Variants in CSMD1 observed in about 807,000 individuals in gnomAD.
CSMD1 encodes CUB and Sushi multiple domains 1.
Under a neutral mutation model 417.5 loss-of-function variants are expected in CSMD1, and 213 were observed. The ratio of observed to expected loss-of-function variants is 0.51; its 90% CI spans 0.46 to 0.57. The LOEUF is 0.57. Ranked by LOEUF, CSMD1 falls within the 20% of genes least tolerant of loss-of-function variation. The probability of loss-of-function intolerance (pLI) is 0.00; values close to 1 mark genes in which losing one functional copy is unlikely to be tolerated. For missense variants in CSMD1, 6,923 were observed against 4,529.7 expected (o/e 1.53, Z -15.17); for synonymous variants, 2,862 against 1,736.8 (o/e 1.65, Z -16.11).
chr8:3,706,860 AC>A (rs67732872), intron 7 of CSMD1, among the ~76,000 whole-genome samples: 1 of 152,166 alleles, frequency 6.6e-6, no homozygotes, highest in Non-Finnish European at 1.5e-5. Flanking sequence ...TTTTTAAAAA[AC>A]CCTTTATTCC....
chr8:3,183,465 T>C (rs1256038800), intron 36 of CSMD1, among the ~76,000 whole-genome samples: 17 of 89,222 alleles, frequency 1.9e-4, no homozygotes, highest in African/African-American at 3.2e-4. Flanking sequence ...ATCCCTGAAA[T>C]ATCGAGTAGG....
At chr8:4,280,366 G>C (rs1046532646) in intron 3 of CSMD1, among the ~76,000 whole-genome samples, 7 of 152,086 alleles carry the variant, frequency 4.6e-5, no homozygotes, top group African/African-American at 1.4e-4. Flanking sequence ...AATAATAATT[G>C]AATAGACACG....
At chr8:4,642,479 G>C (rs1317025639) in intron 1 of CSMD1, among the ~76,000 whole-genome samples, 1 of 152,160 alleles carries the variant, frequency 6.6e-6, no homozygotes, top group Non-Finnish European at 1.5e-5. Flanking sequence ...GAAAGTAGCA[G>C]CTGAGATGAT....
chr8:3,359,586 AG>A, intron 20 of CSMD1, among the ~76,000 whole-genome samples: 1 of 151,316 alleles, frequency 6.6e-6, no homozygotes, highest in Non-Finnish European at 1.5e-5. Context: ...GAATTACTAG[AG>A]GCTGGGAAGG....
chr8:4,220,963 G>A (rs1334328449), intron 3 of CSMD1, among the ~76,000 whole-genome samples: 1 of 152,170 alleles, frequency 6.6e-6, no homozygotes, highest in Non-Finnish European at 1.5e-5. Flanking sequence ...GAGTGCGCAG[G>A]CGCCCAGAGG....
chr8:3,544,653 G>GC, intron 10 of CSMD1, among the ~76,000 whole-genome samples: 1 of 152,230 alleles, frequency 6.6e-6, no homozygotes, highest in South Asian at 2.1e-4. Context: ...TGACAGCTTG[G>GC]CCACCACTGC....
chr8:4,637,223 C>T (rs997985859), intron 2 of CSMD1, 119 bp downstream of exon 2: 39 of 821,002 alleles, frequency 4.8e-5, no homozygotes, highest in Non-Finnish European at 2.7e-5. Context: ...AGCGAGGCCA[C>T]GAACCCACCG....
At chr8:3,060,248 C>T (rs1030515035) in intron 49 of CSMD1, among the ~76,000 whole-genome samples, 7 of 151,214 alleles carry the variant, frequency 4.6e-5, no homozygotes, top group East Asian at 2.0e-4. Flanking sequence ...CGAGTTCAAG[C>T]GATTCTCCTG....
intron 2 of CSMD1, among the ~76,000 whole-genome samples, chr8:4,525,017 A>T (rs1367601901): frequency 1.3e-5 from 2 of 152,192 alleles, no homozygotes; most frequent in African/African-American, 4.8e-5. Flanking sequence ...ATTGCAGTTT[A>T]TATTTTGAAT....
intron 3 of CSMD1, among the ~76,000 whole-genome samples, chr8:4,277,198 CATAT>C (rs3069751): frequency 3.8e-4 from 54 of 143,054 alleles, no homozygotes; most frequent in African/African-American, 2.5e-4. Context: ...CTACAGATAA[CATAT>C]ATATATATAT....
chr8:4,005,555 A>C (rs1041092753), intron 4 of CSMD1, among the ~76,000 whole-genome samples: 1 of 152,134 alleles, frequency 6.6e-6, no homozygotes, highest in East Asian at 1.9e-4. Context: ...TATTTTCTGA[A>C]TTGTCTTTTA....
chr8:4,843,510 A>C (rs761157430), intron 1 of CSMD1, among the ~76,000 whole-genome samples: 3 of 152,140 alleles, frequency 2.0e-5, no homozygotes, highest in Admixed American at 1.3e-4. Flanking sequence ...TAATCGATCT[A>C]ACTCCCCTAT....
intron 3 of CSMD1, among the ~76,000 whole-genome samples, chr8:4,260,623 G>T (rs889417127): frequency 1.3e-5 from 2 of 152,094 alleles, no homozygotes; most frequent in African/African-American, 4.8e-5. Context: ...TTAGAATTTT[G>T]ATATTATTCA....
At chr8:4,987,609 A>G (rs1811247056) in intron 1 of CSMD1, among the ~76,000 whole-genome samples, 1 of 152,242 alleles carries the variant, frequency 6.6e-6, no homozygotes, top group African/African-American at 2.4e-5. Flanking sequence ...CTGATATTTT[A>G]TATAATATAA....
chr8:3,094,825 G>C (rs1399155711), intron 47 of CSMD1, among the ~76,000 whole-genome samples: 1 of 144,702 alleles, frequency 6.9e-6, no homozygotes, highest in African/African-American at 2.5e-5. Context: ...AAAAAAGAGA[G>C]AGAGAAAGAG....
At chr8:4,712,031 G>T (rs1055778057) in intron 1 of CSMD1, among the ~76,000 whole-genome samples, 1 of 152,144 alleles carries the variant, frequency 6.6e-6, no homozygotes, top group Non-Finnish European at 1.5e-5. Context: ...AAATCTAGAA[G>T]AGATTTTCTC....
At position 4,422,535 on chromosome 8, in the gene CSMD1, G is replaced by A. The variant is rs79014820; in HGVS notation, c.303-2470C>T. ...GAAAAGACCATGTGAGCATGGAACAGGAAGGATGCTGTCTACAAGTCAGGA... is the reference window on the plus strand; with the variant it reads ...GAAAAGACCATGTGAGCATGGAACAAGAAGGATGCTGTCTACAAGTCAGGA... On this transcript the variant is annotated intron_variant, in intron 2 of 69. Coordinates refer to ENST00000635120, the MANE Select transcript of CSMD1 (RefSeq NM_033225.6). 9.9e-3 allele frequency among the ~76,000 whole-genome samples: 1,503 copies of A among 152,180 alleles called. 5 individuals carry two copies. The highest frequency in any genetic ancestry group is 0.017 in the Non-Finnish European group (1,122 of 67,990).
At chr8:4,789,103 G>C (rs1585100257) in intron 1 of CSMD1, among the ~76,000 whole-genome samples, 2 of 152,208 alleles carry the variant, frequency 1.3e-5, no homozygotes, top group Admixed American at 6.5e-5. Flanking sequence ...GTAATCATGA[G>C]AAAGCTACCT....
chr8:3,742,610 G>C (rs74706909), intron 6 of CSMD1, among the ~76,000 whole-genome samples: 3 of 152,000 alleles, frequency 2.0e-5, no homozygotes, highest in Non-Finnish European at 4.4e-5. Context: ...ACCCTAGGAC[G>C]TGCCCAGGTC....
Sources: gnomAD v4.1 joint callset for allele counts (sites outside exome capture counted in the v4.1 genomes callset) on GRCh38, gnomAD v4.1.1 for gene constraint, MANE v1.5 for transcripts, NCBI Gene and HGNC (gene_info 2026-07-23, HGNC 2026-07-21) for gene names.